SPOCK3: variants seen among roughly 807,000 people sequenced by gnomAD.
SPOCK3 encodes the protein testican-3.
In SPOCK3, 30 loss-of-function variants were observed where a neutral mutation model predicts 56.6. The ratio of observed to expected loss-of-function variants is 0.53; its 90% CI spans 0.40 to 0.72. The LOEUF (loss-of-function observed/expected upper bound fraction) is 0.72. Ranked by LOEUF, SPOCK3 falls within the 30% of genes least tolerant of loss-of-function variation. The pLI is 0.00. For missense variants in SPOCK3, 527 were observed against 530.0 expected (o/e 0.99, Z 0.06); for synonymous variants, 196 against 183.3 (o/e 1.07, Z -0.56).
intron 6 of SPOCK3, among the ~76,000 whole-genome samples, chr4:166,838,428 C>G (rs1000178879): frequency 5.9e-5 from 9 of 151,722 alleles, no homozygotes; most frequent in African/African-American, 2.2e-4. Flanking sequence ...TCTTTAAGTT[C>G]ACTGATTATT....
chr4:167,032,133 A>C (rs1340626474), intron 3 of SPOCK3, among the ~76,000 whole-genome samples: 1 of 152,034 alleles, frequency 6.6e-6, no homozygotes, highest in Admixed American at 6.6e-5. Flanking sequence ...AAGAAATCAA[A>C]ATAGCAAAAA....
intron 8 of SPOCK3, among the ~76,000 whole-genome samples, chr4:166,742,679 C>T (rs960178094): frequency 8.6e-5 from 13 of 151,978 alleles, no homozygotes; most frequent in Non-Finnish European, 1.5e-5. Context: ...AATTTAGGAA[C>T]AGGATATAAT....
chr4:166,856,530 CT>C (rs1730688257), intron 6 of SPOCK3, among the ~76,000 whole-genome samples: 1 of 152,054 alleles, frequency 6.6e-6, no homozygotes, highest in African/African-American at 2.4e-5. Flanking sequence ...AATCCCAGTA[CT>C]TTGGGAGACC....
chr4:166,798,336 G>T (rs1283632522), intron 6 of SPOCK3, among the ~76,000 whole-genome samples: 2 of 152,012 alleles, frequency 1.3e-5, no homozygotes, highest in Non-Finnish European at 1.5e-5. Context: ...CTCTTGTTTT[G>T]TTCATCACGG....
chr4:166,939,816 C>A (rs1579723357), intron 4 of SPOCK3, among the ~76,000 whole-genome samples: 2 of 152,102 alleles, frequency 1.3e-5, no homozygotes, highest in Admixed American at 1.3e-4. Flanking sequence ...GCTGTTCCAA[C>A]AAATATATTT....
At chr4:166,937,027 A>AT (rs1740478933) in intron 4 of SPOCK3, among the ~76,000 whole-genome samples, 1 of 152,026 alleles carries the variant, frequency 6.6e-6, no homozygotes, top group Non-Finnish European at 1.5e-5. Context: ...TTATTTATTT[A>AT]TTTTTTAATT....
intron 6 of SPOCK3, among the ~76,000 whole-genome samples, chr4:166,795,355 G>A (rs904807619): frequency 2.2e-4 from 33 of 152,084 alleles, no homozygotes; most frequent in African/African-American, 7.5e-4. Flanking sequence ...TTATTATTCA[G>A]AAAGGTTCAT....
At chr4:166,950,110 T>A (rs1453579138) in intron 4 of SPOCK3, among the ~76,000 whole-genome samples, 1 of 151,204 alleles carries the variant, frequency 6.6e-6, no homozygotes, top group African/African-American at 2.5e-5. Context: ...GTAAATGGAC[T>A]AAATGCTCCA....
intron 2 of SPOCK3, among the ~76,000 whole-genome samples, chr4:167,107,959 T>C (rs1760313260): frequency 1.3e-5 from 2 of 151,736 alleles, no homozygotes; most frequent in South Asian, 4.1e-4. Context: ...ACTCTATAGA[T>C]AGAAATCTAA....
At chr4:167,017,910 GA>G (rs971900973) in intron 3 of SPOCK3, among the ~76,000 whole-genome samples, 92 of 152,014 alleles carry the variant, frequency 6.1e-4, no homozygotes, top group African/African-American at 2.1e-3. Context: ...TGATTAGATT[GA>G]ATTATTTTAT....
rs539182504 is a variant in SPOCK3 at position 167,114,255 on chromosome 4, AG to A, written c.190-51719del. On this transcript the variant is annotated intron_variant, in intron 2 of 10. Transcript: ENST00000357545. Reference sequence around the variant, plus strand: ...AGTACTTGAAGAGCCAAAATCCTGGAGAAGAGGGACTCATGGACGAAAACCT... The same window carrying A: ...AGTACTTGAAGAGCCAAAATCCTGGAAAGAGGGACTCATGGACGAAAACCT... Among the ~76,000 whole-genome samples the A allele has an allele frequency of 1.1e-4, 17 of 152,266 alleles. No individual in the cohort carries two copies. The South Asian group carries it at 3.3e-3, about 30-fold the overall frequency.
At chr4:167,119,691 A>C (rs1761710136) in intron 2 of SPOCK3, 1 of 784,598 alleles carries the variant, frequency 1.3e-6, no homozygotes, top group African/African-American at 1.7e-5. Context: ...TCAGAAAAAC[A>C]ACACATTTGA....
chr4:166,996,312 C>G (rs1748374035), intron 4 of SPOCK3, among the ~76,000 whole-genome samples: 2 of 152,114 alleles, frequency 1.3e-5, no homozygotes, highest in African/African-American at 4.8e-5. Flanking sequence ...ATATCAGCAG[C>G]ATCGATTGGT....
chr4:166,914,060 C>G (rs1194602928), intron 4 of SPOCK3, among the ~76,000 whole-genome samples: 1 of 123,200 alleles, frequency 8.1e-6, no homozygotes, highest in East Asian at 2.0e-4. Flanking sequence ...GTAGCAGATA[C>G]AAATTAAAAA....
At chr4:167,150,236 C>T (rs1027024103) in intron 2 of SPOCK3, among the ~76,000 whole-genome samples, 1 of 151,764 alleles carries the variant, frequency 6.6e-6, no homozygotes, top group Non-Finnish European at 1.5e-5. Context: ...AATTTTTTTA[C>T]AGAGAATTAT....
In SPOCK3 at chr4:167,149,845, A is replaced by G. The variant is rs1012422811; in HGVS notation, c.189+84140T>C. 3.6e-4 allele frequency among the ~76,000 whole-genome samples: 54 copies of G among 149,824 alleles called. 1 individual carries two copies. Among genetic ancestry groups the G allele is most frequent in the African/African-American group, 1.0e-3 (42 of 41,070 alleles). On this transcript the variant is annotated intron_variant, in intron 2 of 10. Transcript: ENST00000357545. ...ATATGGTGTGTATATATATATGTAT[A>G]TATATATATATACACACACATATAC...
chr4:166,971,411 CGAAGATTA>C (rs1554012234), intron 4 of SPOCK3, among the ~76,000 whole-genome samples: 27 of 151,036 alleles, frequency 1.8e-4, no homozygotes, highest in Non-Finnish European at 2.7e-4. Flanking sequence ...TAAGAGGATT[CGAAGATTA>C]CTTGATATTT....
At chr4:166,863,828 TA>T (rs1731497267) in intron 6 of SPOCK3, among the ~76,000 whole-genome samples, 1 of 152,056 alleles carries the variant, frequency 6.6e-6, no homozygotes, top group Non-Finnish European at 1.5e-5. Context: ...TCCTACACAA[TA>T]ATAGTGAGAG....
chr4:166,932,472 T>C (rs1184232233), intron 4 of SPOCK3, among the ~76,000 whole-genome samples: 1 of 152,146 alleles, frequency 6.6e-6, no homozygotes, highest in African/African-American at 2.4e-5. Flanking sequence ...ATTAAGCCAA[T>C]ATAGATAATT....
Sources: gnomAD v4.1 joint callset for allele counts (sites outside exome capture counted in the v4.1 genomes callset) on GRCh38, gnomAD v4.1.1 for gene constraint, MANE v1.5 for transcripts, NCBI Gene and HGNC (gene_info 2026-07-23, HGNC 2026-07-21) for gene names.